Variants in BCOR observed in about 807,000 individuals in gnomAD.
BCOR encodes BCL-6 corepressor.
Under a neutral mutation model 86.7 loss-of-function variants are expected in BCOR, and 10 were observed. That is an observed-to-expected ratio of 0.12 (90% CI 0.07 to 0.20). The LOEUF (loss-of-function observed/expected upper bound fraction) is 0.20. Ranked by LOEUF, BCOR falls within the 10% of genes least tolerant of loss-of-function variation. The probability of loss-of-function intolerance (pLI) is 1.00; values close to 1 mark genes in which losing one functional copy is unlikely to be tolerated. For missense variants in BCOR, 1,259 were observed against 1,452.1 expected (o/e 0.87, Z 2.16); for synonymous variants, 611 against 609.0 (o/e 1.00, Z -0.05).
chrX:40,096,647 G>C (rs994460618), intron 1 of BCOR, among the ~76,000 whole-genome samples: 2 of 112,085 alleles, frequency 1.8e-5, no homozygotes, highest in African/African-American at 3.2e-5. Flanking sequence ...ACACCCTCGC[G>C]CACGCACACG....
At chrX:40,087,526 T>C (rs1936414560) in intron 1 of BCOR, among the ~76,000 whole-genome samples, 1 of 112,308 alleles carries the variant, frequency 8.9e-6, no homozygotes, top group South Asian at 3.7e-4. Flanking sequence ...AAACATACCC[T>C]GTTTTACCCT....
At chrX:40,131,868 CGTGGTGG>C (rs1937606318) in intron 1 of BCOR, among the ~76,000 whole-genome samples, 1 of 111,259 alleles carries the variant, frequency 9.0e-6, no homozygotes, top group African/African-American at 3.3e-5. Flanking sequence ...CATGAGATAC[CGTGGTGG>C]TTTTAAACAC....
chrX:40,077,961 G>C lies in BCOR; in HGVS notation c.-32C>G. ...TTCTGGGATGGCAGCTTTGCTTCAA[G>C]CGTCTAGTCTGTTAAAAGGAAAGAA... On this transcript the variant is annotated 5_prime_UTR_variant, in exon 2 of 15. Coordinates refer to ENST00000378444, the MANE Select transcript of BCOR (RefSeq NM_001123385.2). The C allele has an allele frequency of 8.8e-7, 1 of 1,133,331 alleles. No homozygotes were observed. Among genetic ancestry groups the C allele is most frequent in the South Asian group, 1.8e-5 (1 of 55,256 alleles). The allele number at this position is 1,133,331 out of a possible 1,213,427, so 93.4% of individuals were successfully genotyped here. A position where few individuals can be genotyped will look rare whatever the true frequency, so the allele number is the denominator to read the frequency against.
chrX:40,095,393 G>A (rs1179539242), intron 1 of BCOR, among the ~76,000 whole-genome samples: 1 of 111,157 alleles, frequency 9.0e-6, no homozygotes, highest in East Asian at 2.8e-4. Context: ...CGCGGTGTCC[G>A]TTTCCAGTGC....
At chrX:40,142,820 C>A (rs1469873612) in intron 1 of BCOR, among the ~76,000 whole-genome samples, 6 of 111,879 alleles carry the variant, frequency 5.4e-5, no homozygotes, top group African/African-American at 1.9e-4. Context: ...TGAGGGTAAA[C>A]AGAAAGCACC....
At position 40,088,804 on chromosome X, in the gene BCOR, CCT is replaced by C. The variant is rs1391090669; in HGVS notation, c.-41+8409_-41+8410del. 1.3e-4 allele frequency among the ~76,000 whole-genome samples: 15 copies of C among 112,179 alleles called. No individual in the cohort carries two copies. The South Asian group carries it at 5.6e-3, about 42-fold the overall frequency. ...CTCTGGCCTCTGCACCAGGCCACCC[CCT>C]CTCACCTCTTCCAACCAGGTCTTGC... On this transcript the variant is annotated intron_variant, in intron 1 of 14. Coordinates refer to ENST00000378444, the MANE Select transcript of BCOR (RefSeq NM_001123385.2).
chrX:40,104,314 G>A (rs996163886), intron 1 of BCOR, among the ~76,000 whole-genome samples: 6 of 111,608 alleles, frequency 5.4e-5, no homozygotes, highest in Non-Finnish European at 1.1e-4. Flanking sequence ...AAACTCTTCT[G>A]ATATTTATAG....
At chrX:40,108,458 G>A (rs909573285) in intron 1 of BCOR, among the ~76,000 whole-genome samples, 1 of 113,578 alleles carries the variant, frequency 8.8e-6, no homozygotes, top group Non-Finnish European at 1.9e-5. Flanking sequence ...AGGGAGCGGC[G>A]GCCAGAGCCG....
chrX:40,094,932 T>C (rs1379909650), intron 1 of BCOR, among the ~76,000 whole-genome samples: 2 of 112,430 alleles, frequency 1.8e-5, no homozygotes, highest in Non-Finnish European at 3.8e-5. Context: ...GAACACTTCC[T>C]AATTAACTCT....
At chrX:40,128,856 T>C (rs1041222059) in intron 1 of BCOR, among the ~76,000 whole-genome samples, 2 of 111,659 alleles carry the variant, frequency 1.8e-5, no homozygotes, top group African/African-American at 6.5e-5. Context: ...GGCGTGCAGA[T>C]GTCTATTAGT....
intron 1 of BCOR, among the ~76,000 whole-genome samples, chrX:40,161,813 C>G (rs1938429931): frequency 8.9e-6 from 1 of 112,220 alleles, no homozygotes; most frequent in Admixed American, 9.4e-5. Flanking sequence ...GCGCCTAGCC[C>G]TGTTAGGGTC....
chrX:40,097,103 G>A (rs1419448000), intron 1 of BCOR, 112 bp downstream of exon 1: 1 of 112,829 alleles, frequency 8.9e-6, no homozygotes, highest in Admixed American at 9.2e-5. Context: ...AAAGCTTCGC[G>A]GGGTACGCTG....
At chrX:40,159,280 C>T (rs772003814) in intron 1 of BCOR, among the ~76,000 whole-genome samples, 14 of 112,803 alleles carry the variant, frequency 1.2e-4, no homozygotes, top group African/African-American at 3.5e-4. Flanking sequence ...CAATTTCCCA[C>T]CAAAACACAA....
chrX:40,055,560 G>A (rs200111283), intron 11 of BCOR, 47 bp from the exon 12 acceptor site: 5 of 1,197,620 alleles, frequency 4.2e-6, no homozygotes, highest in Non-Finnish European at 5.7e-6. Flanking sequence ...AGCCACACTT[G>A]CTTATAAAGC....
In BCOR at chrX:40,064,552, C is replaced by G; in HGVS notation, c.3286G>C (p.Glu1096Gln). The part of the protein sequence containing the change: ...NKHRDPFEAP[E>Q]DKDLPVEKYF... ...TTCTCCACAGGAAGATCTTTGTCCT[C>G]TGGGGCTTCAAAGGGATCACGGTGC... Residue 1096 changes from glutamate (E) to glutamine (Q), a missense_variant, in exon 7 of 15, where the codon GAG becomes CAG. This residue lies in a region of BCOR where 305 missense variants were observed against 286.1 expected (regional missense o/e 1.07). Coordinates refer to ENST00000378444, the MANE Select transcript of BCOR (RefSeq NM_001123385.2). 1 of 1,211,835 alleles carries G rather than the reference C, an allele frequency of 8.3e-7. No homozygotes were observed.
intron 1 of BCOR, among the ~76,000 whole-genome samples, chrX:40,130,209 AC>A (rs1470455475): frequency 1.3e-4 from 14 of 110,938 alleles, no homozygotes; most frequent in African/African-American, 4.6e-4. Context: ...TTAAGGGTGC[AC>A]CCCAATTCCC....
upstream of BCOR, among the ~76,000 whole-genome samples, chrX:40,100,014 C>T (rs1937041720): frequency 9.0e-6 from 1 of 111,452 alleles, no homozygotes; most frequent in Admixed American, 9.5e-5. Context: ...TTTTAATCTC[C>T]GGTAACAAGC....
intron 1 of BCOR, among the ~76,000 whole-genome samples, chrX:40,174,553 A>T (rs1938700162): frequency 8.8e-6 from 1 of 113,102 alleles, no homozygotes; most frequent in Admixed American, 9.3e-5. Context: ...GAAAAAGCCA[A>T]GAGAAAAACG....
chrX:40,076,352 C>T (rs1304763346), intron 3 of BCOR, 102 bp downstream of exon 3: 5 of 669,357 alleles, frequency 7.5e-6, no homozygotes, highest in Non-Finnish European at 1.2e-5. Flanking sequence ...AACTGCCACC[C>T]CTCCCCCATT....
Sources: gnomAD v4.1 joint callset for allele counts (sites outside exome capture counted in the v4.1 genomes callset) on GRCh38, gnomAD v4.1.1 for gene constraint, gnomAD v4.1.1 regional missense constraint, MANE v1.5 for transcripts, NCBI Gene and HGNC (gene_info 2026-07-23, HGNC 2026-07-21) for gene names.